The following IRF2 variants were observed in gnomAD, a reference collection of about 807,000 sequenced individuals.
IRF2 encodes interferon regulatory factor 2.
In IRF2, 15 loss-of-function variants were observed where a neutral mutation model predicts 40.6. The observed-to-expected ratio is 0.37, with a 90% CI of 0.25 to 0.57. IRF2 has a LOEUF of 0.57. Among genes scored for constraint, IRF2 ranks in the 20% least tolerant of loss-of-function variants. The probability of loss-of-function intolerance (pLI) is 0.77; values close to 1 mark genes in which losing one functional copy is unlikely to be tolerated. For missense variants in IRF2, 317 were observed against 455.7 expected (o/e 0.70, Z 2.77); for synonymous variants, 151 against 165.5 (o/e 0.91, Z 0.67).
chr4:184,433,555 A>G (rs1737968225), intron 1 of IRF2, among the ~76,000 whole-genome samples: 1 of 152,266 alleles, frequency 6.6e-6, no homozygotes, highest in South Asian at 2.1e-4. Flanking sequence ...GTTACTAATT[A>G]TAGGTAACTT....
Position 184,389,010 on chromosome 4 carries a change from C to T in IRF2, c.798G>A (p.Met266Ile). 1 of 1,614,218 alleles carries T rather than the reference C, an allele frequency of 6.2e-7. No homozygotes were observed. The highest frequency in any genetic ancestry group is 1.1e-5 in the South Asian group (1 of 91,086). Residue 266 changes from methionine (M) to isoleucine (I), a missense_variant, in exon 9 of 9, where the codon ATG becomes ATA. Physicochemically the swap from Met to Ile is conservative, Grantham distance 10. This residue lies in a region of IRF2 where 262 missense variants were observed against 334.0 expected (regional missense o/e 0.78). Coordinates refer to ENST00000393593, the MANE Select transcript of IRF2 (RefSeq NM_002199.4). ...GCAGCAGGTAGGAGCCTCGAGTCCC[C>T]ATGTTGCTGAGGTACTGTTTGCCTT... is the stretch of plus-strand genomic sequence containing the variant. ...NIEGKQYLSN[M>I]GTRGSYLLPG...
intron 1 of IRF2, among the ~76,000 whole-genome samples, chr4:184,470,253 C>T (rs996457094): frequency 5.3e-5 from 8 of 152,112 alleles, no homozygotes; most frequent in Non-Finnish European, 8.8e-5. Context: ...ACCGCAGTTT[C>T]GTTTATTTGC....
chr4:184,392,540 C>A (rs1736295901), intron 7 of IRF2, among the ~76,000 whole-genome samples: 1 of 152,218 alleles, frequency 6.6e-6, no homozygotes, highest in African/African-American at 2.4e-5. Context: ...GCTCCAGTGC[C>A]TTCCAGCTTT....
At position 184,396,436 on chromosome 4, in the gene IRF2, CT is replaced by C. The variant is rs749998648; in HGVS notation, c.694+2478del. Among the ~76,000 whole-genome samples the C allele has an allele frequency of 9.7e-3, 1,310 of 134,610 alleles. 16 individuals carry two copies. Among genetic ancestry groups the C allele is most frequent in the African/African-American group, 0.01 (372 of 36,698 alleles). The allele number at this position is 134,610 out of a possible 152,430, so 88.3% of individuals were successfully genotyped here. ...GATCCATATATATATATTTTTTTTT[CT>C]TTTTTTTTTTTTTTAAGACAGGATC... On this transcript the variant is annotated intron_variant, in intron 7 of 8. Transcript: ENST00000393593.
intron 6 of IRF2, among the ~76,000 whole-genome samples, chr4:184,399,883 T>C (rs1186299030): frequency 6.6e-6 from 1 of 152,240 alleles, no homozygotes; most frequent in Non-Finnish European, 1.5e-5. Context: ...TTGAGATCAT[T>C]GTAAACTCAC....
intron 1 of IRF2, among the ~76,000 whole-genome samples, chr4:184,444,983 C>A (rs1338643965): frequency 6.6e-6 from 1 of 152,154 alleles, no homozygotes; most frequent in Non-Finnish European, 1.5e-5. Flanking sequence ...AATCAAGGAC[C>A]ACGCGCAAAC....
intron 5 of IRF2, among the ~76,000 whole-genome samples, chr4:184,410,736 C>T (rs1331481621): frequency 6.6e-6 from 1 of 152,170 alleles, no homozygotes; most frequent in Non-Finnish European, 1.5e-5. Flanking sequence ...AGTAATGAGG[C>T]AGTCAGGCTT....
intron 2 of IRF2, among the ~76,000 whole-genome samples, chr4:184,426,513 T>C (rs1737680140): frequency 6.6e-6 from 1 of 152,156 alleles, no homozygotes; most frequent in Non-Finnish European, 1.5e-5. Flanking sequence ...TCCAGGATGA[T>C]TTCATCTCAA....
chr4:184,417,369 C>T (rs570030215), intron 5 of IRF2, among the ~76,000 whole-genome samples: 1 of 152,236 alleles, frequency 6.6e-6, no homozygotes, highest in African/African-American at 2.4e-5. Context: ...AAACACCCTC[C>T]GCCTAAATTT....
chr4:184,439,182 C>T (rs904441741), intron 1 of IRF2, among the ~76,000 whole-genome samples: 3 of 152,114 alleles, frequency 2.0e-5, no homozygotes, highest in Non-Finnish European at 2.9e-5. Context: ...TCTCCTACTA[C>T]GTAGATTTTT....
At chr4:184,410,872 G>A (rs1289074346) in intron 5 of IRF2, among the ~76,000 whole-genome samples, 2 of 152,150 alleles carry the variant, frequency 1.3e-5, no homozygotes, top group African/African-American at 2.4e-5. Context: ...ATGACTCAGA[G>A]ACTAAATTAA....
rs76267580 is a variant in IRF2 at position 184,407,409 on chromosome 4, A to G, written c.529+749T>C. On this transcript the variant is annotated intron_variant, in intron 6 of 8. Transcript: ENST00000393593. Reference sequence around the variant, plus strand: ...TACAGGAGAGAAGGAACATCAGAAGATGTGTCTTCATTGTAAAGAGCCTGC... The same window carrying G: ...TACAGGAGAGAAGGAACATCAGAAGGTGTGTCTTCATTGTAAAGAGCCTGC... The G allele has an allele frequency of 2.4e-3, 876 of 370,998 alleles. 6 individuals carry two copies. Among genetic ancestry groups the G allele is most frequent in the African/African-American group, 0.016 (747 of 46,600 alleles). 23.0% of individuals were successfully genotyped at this position (370,998 alleles called of 1,614,324 possible).
intron 5 of IRF2, among the ~76,000 whole-genome samples, chr4:184,414,630 T>C (rs1279187643): frequency 6.6e-6 from 1 of 152,256 alleles, no homozygotes; most frequent in Admixed American, 6.5e-5. Context: ...CAGAGGATGC[T>C]GAGGCCGTTT....
chr4:184,420,630 A>T (rs1737450021), intron 2 of IRF2, among the ~76,000 whole-genome samples: 1 of 152,184 alleles, frequency 6.6e-6, no homozygotes, highest in African/African-American at 2.4e-5. Flanking sequence ...TGGTTTAGTA[A>T]CAAAGCCGTA....
At chr4:184,453,458 G>T (rs1260426506) in intron 1 of IRF2, among the ~76,000 whole-genome samples, 3 of 152,254 alleles carry the variant, frequency 2.0e-5, no homozygotes, top group African/African-American at 7.2e-5. Flanking sequence ...AACGGGAAAA[G>T]AAGTGATCCT....
intron 1 of IRF2, among the ~76,000 whole-genome samples, chr4:184,471,467 A>T (rs1363572949): frequency 9.2e-5 from 14 of 152,244 alleles, no homozygotes; most frequent in Non-Finnish European, 1.5e-5. Flanking sequence ...GTCTGCGTTA[A>T]GCCCTTTTTG....
intron 2 of IRF2, among the ~76,000 whole-genome samples, chr4:184,423,873 C>T (rs1737570144): frequency 1.3e-5 from 2 of 152,136 alleles, no homozygotes; most frequent in African/African-American, 4.8e-5. Flanking sequence ...CTGATTTGAA[C>T]AAATCAACTG....
chr4:184,419,536 A>G lies in IRF2; in HGVS notation c.120T>C (p.His40=), dbSNP rs1430886162. The G allele has an allele frequency of 6.5e-7, 1 of 1,546,888 alleles. No homozygotes were observed. ...CCACATCCCACCCATGTCTAGCCGC[A>G]TGCATCCAGGGGATCTGAAAAATCT... ...EKKIFQIPWM[H]AARHGWDVEK... The change falls in exon 3 of 9, where the codon CAT becomes CAC. Residue 40 remains histidine, a synonymous_variant. Coordinates refer to ENST00000393593, the MANE Select transcript of IRF2 (RefSeq NM_002199.4).
chr4:184,443,300 A>C (rs1738381707), intron 1 of IRF2, among the ~76,000 whole-genome samples: 1 of 152,160 alleles, frequency 6.6e-6, no homozygotes, highest in Non-Finnish European at 1.5e-5. Context: ...TGGGCTCCTA[A>C]TGATCCTGCT....
Sources: allele counts gnomAD v4.1 joint callset (sites outside exome capture counted in the v4.1 genomes callset), GRCh38; gene constraint gnomAD v4.1.1; regional missense constraint gnomAD v4.1.1; transcripts MANE v1.5; gene names NCBI Gene and HGNC (gene_info 2026-07-23, HGNC 2026-07-21).